JPH1: variants seen among roughly 807,000 people sequenced by gnomAD.
JPH1 encodes junctophilin 1.
JPH1 carries 12 observed loss-of-function variants against 53.6 expected under a neutral mutation model. That is an observed-to-expected ratio of 0.22 (90% confidence interval 0.14 to 0.36). The LOEUF (loss-of-function observed/expected upper bound fraction) is 0.36, where lower values mean the gene tolerates loss of function less well. Ranked by LOEUF, JPH1 falls within the 10% of genes least tolerant of loss-of-function variation. The pLI is 1.00. For synonymous variants in JPH1, 375 were observed against 363.8 expected (o/e 1.03, Z -0.35); for missense variants, 808 against 905.5 (o/e 0.89, Z 1.38).
intron 3 of JPH1, among the ~76,000 whole-genome samples, chr8:74,255,698 A>G (rs886762737): frequency 5.0e-4 from 76 of 152,230 alleles, no homozygotes; most frequent in Non-Finnish European, 1.6e-4. Flanking sequence ...CAAATTTACA[A>G]GAAAAAAACA....
In JPH1 at chr8:74,272,953, A is replaced by T. The variant is rs1286882539; in HGVS notation, c.1140-13450T>A. 2.0e-5 allele frequency among the ~76,000 whole-genome samples: 3 copies of T among 152,180 alleles called. No individual in the cohort carries two copies. The East Asian group carries it at 5.8e-4, about 29-fold the overall frequency. ...AAATATACCTTCTTGCAAGTTACTTATTAAAATATATTTTCCAGGGTGCTG... is the reference window on the plus strand; with the variant it reads ...AAATATACCTTCTTGCAAGTTACTTTTTAAAATATATTTTCCAGGGTGCTG... On this transcript the variant is annotated intron_variant, in intron 2 of 5. Transcript: ENST00000342232.
Position 74,320,847 on chromosome 8 carries a change from GCC to G in JPH1, c.379+60_379+61del. The G allele has an allele frequency of 6.3e-6, 9 of 1,428,112 alleles. No individual in the cohort carries two copies. Among genetic ancestry groups the G allele is most frequent in the Non-Finnish European group, 8.2e-6 (9 of 1,091,596 alleles). The allele number at this position is 1,428,112 out of a possible 1,614,324, so 88.5% of individuals were successfully genotyped here. ...CCGGCGTCCTCCCCGCTTCCCCGCA[GCC>G]GGGGCAGAGCCCACCGCACCAGCTC... On this transcript the variant is annotated intron_variant, in intron 1 of 5. Coordinates refer to ENST00000342232, the MANE Select transcript of JPH1 (RefSeq NM_020647.4). The surrounding 1 kb of genome is among the most constrained non-coding windows in gnomAD (Gnocchi z 4.4).
intron 2 of JPH1, among the ~76,000 whole-genome samples, chr8:74,307,429 C>T (rs952853169): frequency 2.6e-5 from 4 of 152,154 alleles, no homozygotes; most frequent in Admixed American, 6.5e-5. Flanking sequence ...TTCAACCAAG[C>T]GTCTGGAATT....
chr8:74,307,871 T>C (rs953274253), intron 2 of JPH1, among the ~76,000 whole-genome samples: 4 of 152,350 alleles, frequency 2.6e-5, no homozygotes, highest in East Asian at 1.9e-4. Context: ...CCCTTTATAA[T>C]AACTTAGCAG....
chr8:74,279,671 C>T lies in JPH1; in HGVS notation c.1140-20168G>A, dbSNP rs369893216. 4.6e-5 allele frequency among the ~76,000 whole-genome samples: 7 copies of T among 152,196 alleles called. 1 individual carries two copies. The highest frequency in any genetic ancestry group is 3.3e-4 in the Admixed American group (5 of 15,284). Reference sequence around the variant, plus strand: ...GAAATACCGCAATTCCAATTCACTTCTTATACAAAAATCTAACATATTCTC... The same window carrying T: ...GAAATACCGCAATTCCAATTCACTTTTTATACAAAAATCTAACATATTCTC... On this transcript the variant is annotated intron_variant, in intron 2 of 5. Coordinates refer to ENST00000342232, the MANE Select transcript of JPH1 (RefSeq NM_020647.4).
chr8:74,261,286 A>G (rs899641021), intron 2 of JPH1, among the ~76,000 whole-genome samples: 3 of 152,210 alleles, frequency 2.0e-5, no homozygotes, highest in African/African-American at 2.4e-5. Flanking sequence ...CAATTACACC[A>G]AACGCACCTC....
At chr8:74,265,847 A>G (rs2131400309) in intron 2 of JPH1, among the ~76,000 whole-genome samples, 1 of 152,306 alleles carries the variant, frequency 6.6e-6, no homozygotes, top group East Asian at 1.9e-4. Flanking sequence ...CAAATGTCCA[A>G]TAAGCACTTA....
intron 2 of JPH1, among the ~76,000 whole-genome samples, chr8:74,286,336 T>A (rs1267670234): frequency 6.6e-6 from 1 of 152,228 alleles, no homozygotes; most frequent in African/African-American, 2.4e-5. Context: ...GTGTGATGTT[T>A]CAATGAGTGT....
intron 2 of JPH1, among the ~76,000 whole-genome samples, chr8:74,273,905 T>C (rs1233739803): frequency 2.6e-5 from 4 of 152,210 alleles, no homozygotes. Context: ...CTGTTGTTAC[T>C]TGAGCCTCTA....
At chr8:74,246,592 A>C (rs1369687897) in intron 3 of JPH1, among the ~76,000 whole-genome samples, 1 of 69,214 alleles carries the variant, frequency 1.4e-5, no homozygotes, top group Non-Finnish European at 2.6e-5. Flanking sequence ...GGAAACAGCT[A>C]TAGCAACTGA....
chr8:74,278,198 T>C (rs1806905242), intron 2 of JPH1, among the ~76,000 whole-genome samples: 1 of 152,172 alleles, frequency 6.6e-6, no homozygotes, highest in Non-Finnish European at 1.5e-5. Context: ...TGAGTAAGTC[T>C]CATGAGATCT....
At chr8:74,252,656 C>G (rs186713443) in intron 3 of JPH1, among the ~76,000 whole-genome samples, 1 of 151,930 alleles carries the variant, frequency 6.6e-6, no homozygotes, top group African/African-American at 2.4e-5. Context: ...ACCCATCTCA[C>G]GTGCAGAGAC....
At chr8:74,244,505 G>T (rs1462867477) in intron 4 of JPH1, 24 bp downstream of exon 4, 2 of 1,560,880 alleles carry the variant, frequency 1.3e-6, no homozygotes, top group African/African-American at 2.7e-5. Context: ...GAAAGAAAGA[G>T]AAAACGCTAC....
At chr8:74,292,581 G>A (rs1260471027) in intron 2 of JPH1, among the ~76,000 whole-genome samples, 3 of 152,122 alleles carry the variant, frequency 2.0e-5, no homozygotes, top group African/African-American at 7.2e-5. Flanking sequence ...AGCCTAAACA[G>A]ACACACTTAC....
At chr8:74,299,356 C>A (rs148637956) in intron 2 of JPH1, among the ~76,000 whole-genome samples, 189 of 152,176 alleles carry the variant, frequency 1.2e-3, no homozygotes, top group Non-Finnish European at 2.2e-3. Context: ...TTACATTCAG[C>A]CTAAAGGTTT....
intron 2 of JPH1, among the ~76,000 whole-genome samples, chr8:74,271,164 C>T (rs1021068465): frequency 6.6e-6 from 1 of 152,148 alleles, no homozygotes; most frequent in Non-Finnish European, 1.5e-5. Context: ...TCTAGAGGCC[C>T]AAGAATTCAG....
At chr8:74,254,256 C>T (rs1016996444) in intron 3 of JPH1, among the ~76,000 whole-genome samples, 2,157 of 152,158 alleles carry the variant, frequency 0.014, 84 homozygotes, top group African/African-American at 0.05. Context: ...AATGAATAAA[C>T]GTAATCCAGC....
At chr8:74,314,690 G>A (rs1808089254) in intron 2 of JPH1, among the ~76,000 whole-genome samples, 171 bp downstream of exon 2, 1 of 152,198 alleles carries the variant, frequency 6.6e-6, no homozygotes, top group African/African-American at 2.4e-5. Context: ...TCAGAACAGT[G>A]CAGGTACATT....
chr8:74,279,690 T>C (rs1806953860), intron 2 of JPH1, among the ~76,000 whole-genome samples: 1 of 152,200 alleles, frequency 6.6e-6, no homozygotes, highest in Admixed American at 6.5e-5. Context: ...AAATCTAACA[T>C]ATTCTCTCCC....
Sources: allele counts gnomAD v4.1 joint callset (sites outside exome capture counted in the v4.1 genomes callset), GRCh38; gene constraint gnomAD v4.1.1; non-coding constraint Gnocchi (gnomAD v3.1); transcripts MANE v1.5; gene names NCBI Gene and HGNC (gene_info 2026-07-23, HGNC 2026-07-21).